The following USH2A variants were observed in gnomAD, a reference collection of about 807,000 sequenced individuals.
USH2A encodes the protein usherin, also known as Usher syndrome 2A (autosomal recessive, mild).
Under a neutral mutation model 538.9 loss-of-function variants are expected in USH2A, and 443 were observed. The observed-to-expected ratio is 0.82, with a 90% confidence interval of 0.76 to 0.89. The LOEUF (loss-of-function observed/expected upper bound fraction) is 0.89. USH2A is among the 40% of genes least tolerant of loss of function. USH2A has a pLI of 0.00. For synonymous variants in USH2A, 2,413 were observed against 2,273.5 expected (o/e 1.06, Z -1.75); for missense variants, 6,633 against 6,324.8 (o/e 1.05, Z -1.65).
intron 26 of USH2A, among the ~76,000 whole-genome samples, chr1:216,082,929 A>C (rs2031998767): frequency 6.6e-6 from 1 of 152,130 alleles, no homozygotes. Flanking sequence ...TGTTCAAACT[A>C]TAAAAATGCA....
chr1:216,202,319 C>T (rs2035018094), intron 16 of USH2A, among the ~76,000 whole-genome samples: 1 of 152,076 alleles, frequency 6.6e-6, no homozygotes, highest in African/African-American at 2.4e-5. Context: ...ATGTATTATA[C>T]AAGAGCAGTC....
At chr1:216,320,526 G>GTAATTTA (rs2037585689) in intron 9 of USH2A, among the ~76,000 whole-genome samples, 1 of 152,028 alleles carries the variant, frequency 6.6e-6, no homozygotes, top group Non-Finnish European at 1.5e-5. Flanking sequence ...TTTTAGTAGA[G>GTAATTTA]GTGGACAAAT....
intron 50 of USH2A, among the ~76,000 whole-genome samples, chr1:215,791,235 T>G (rs766133555): frequency 2.0e-5 from 3 of 152,218 alleles, no homozygotes; most frequent in African/African-American, 4.8e-5. Flanking sequence ...TATATTAGAA[T>G]TTATATCCAG....
At position 216,267,550 on chromosome 1, in the gene USH2A, G is replaced by A. The variant is rs186248394; in HGVS notation, c.1972-16452C>T. ...GAGCACAGAGACACACATTAATAAT[G>A]GAACGGATGGGAGAAGTCAAGTTCA... is the stretch of plus-strand genomic sequence containing the variant. On this transcript the variant is annotated intron_variant, in intron 11 of 71. Coordinates refer to ENST00000307340, the MANE Select transcript of USH2A (RefSeq NM_206933.4). Among the ~76,000 whole-genome samples, 209 of 152,160 alleles carry A rather than the reference G, an allele frequency of 1.4e-3. 1 individual carries two copies. Among genetic ancestry groups the A allele is most frequent in the African/African-American group, 4.8e-3 (199 of 41,530 alleles).
chr1:216,003,316 G>A (rs1423916198), intron 32 of USH2A, among the ~76,000 whole-genome samples: 1 of 152,102 alleles, frequency 6.6e-6, no homozygotes, highest in Non-Finnish European at 1.5e-5. Context: ...GGTAAGAAAG[G>A]TGTTGCATTT....
chr1:215,775,814 C>T (rs1185860300), intron 55 of USH2A, among the ~76,000 whole-genome samples: 1 of 152,188 alleles, frequency 6.6e-6, no homozygotes, highest in African/African-American at 2.4e-5. Flanking sequence ...CTATTTAGCA[C>T]ACAAAGTTTT....
At chr1:216,064,716 G>A (rs1213045733) in intron 30 of USH2A, among the ~76,000 whole-genome samples, 1 of 151,706 alleles carries the variant, frequency 6.6e-6, no homozygotes, top group East Asian at 1.9e-4. Flanking sequence ...ACTTACCATT[G>A]AGTTATAGTT....
intron 32 of USH2A, among the ~76,000 whole-genome samples, chr1:216,040,673 A>G (rs2030234973): frequency 6.6e-6 from 1 of 151,970 alleles, no homozygotes; most frequent in African/African-American, 2.4e-5. Flanking sequence ...CTCATGAAGG[A>G]TTTCTTTTGT....
chr1:216,068,971 G>A (rs897540565), intron 30 of USH2A, among the ~76,000 whole-genome samples: 3 of 152,146 alleles, frequency 2.0e-5, no homozygotes, highest in African/African-American at 7.2e-5. Flanking sequence ...TGTCAGCTGA[G>A]TGGGATGAGA....
chr1:215,723,698 C>T (rs535710552), intron 61 of USH2A, among the ~76,000 whole-genome samples: 1 of 152,008 alleles, frequency 6.6e-6, no homozygotes, highest in Non-Finnish European at 1.5e-5. Context: ...GGCCAATAAA[C>T]AAAAACTTGA....
chr1:216,175,072 T>C, intron 21 of USH2A, 180 bp downstream of exon 21: 1 of 1,439,784 alleles, frequency 6.9e-7, no homozygotes, highest in Non-Finnish European at 9.1e-7. Context: ...TACCTGACTT[T>C]TTTCCCCAGA....
intron 40 of USH2A, among the ~76,000 whole-genome samples, chr1:215,891,380 T>C (rs1665206319): frequency 6.6e-6 from 1 of 152,190 alleles, no homozygotes; most frequent in Non-Finnish European, 1.5e-5. Flanking sequence ...CTCCTTTGGC[T>C]AGGGAAGTGT....
intron 56 of USH2A, among the ~76,000 whole-genome samples, chr1:215,762,659 G>C (rs1661011847): frequency 6.6e-6 from 1 of 152,062 alleles, no homozygotes; most frequent in Non-Finnish European, 1.5e-5. Context: ...GACAATCTTT[G>C]GTGAGATATA....
intron 22 of USH2A, among the ~76,000 whole-genome samples, chr1:216,095,487 C>G (rs1255006812): frequency 6.6e-6 from 1 of 152,106 alleles, no homozygotes; most frequent in Non-Finnish European, 1.5e-5. Context: ...TCTTCCTTTC[C>G]CTCTGGCTGC....
chr1:215,905,740 T>G (rs946177768), intron 38 of USH2A, among the ~76,000 whole-genome samples: 1 of 152,054 alleles, frequency 6.6e-6, no homozygotes, highest in Admixed American at 6.6e-5. Context: ...CAACTCTTCC[T>G]GTGCTCATTC....
chr1:216,231,251 A>G (rs12138801), intron 14 of USH2A, among the ~76,000 whole-genome samples: 3 of 76,598 alleles, frequency 3.9e-5, no homozygotes, highest in African/African-American at 1.1e-4. Context: ...TATATATATT[A>G]TATATATAAT....
At chr1:216,402,924 A>G (rs1429720842) in intron 3 of USH2A, among the ~76,000 whole-genome samples, 1 of 152,156 alleles carries the variant, frequency 6.6e-6, no homozygotes, top group Non-Finnish European at 1.5e-5. Context: ...ATTAAATTAC[A>G]CATTAAATTA....
At chr1:216,360,487 CGTT>C (rs1558053882) in intron 4 of USH2A, among the ~76,000 whole-genome samples, 1 of 151,950 alleles carries the variant, frequency 6.6e-6, no homozygotes, top group Non-Finnish European at 1.5e-5. Context: ...GGATACTTGT[CGTT>C]GTACAACACC....
chr1:216,105,676 C>T (rs1571965234), intron 21 of USH2A, among the ~76,000 whole-genome samples: 1 of 151,970 alleles, frequency 6.6e-6, no homozygotes, highest in Non-Finnish European at 1.5e-5. Flanking sequence ...ATTGGAATTA[C>T]ATTAAATGAA....
Sources: allele counts gnomAD v4.1 joint callset (sites outside exome capture counted in the v4.1 genomes callset), GRCh38; gene constraint gnomAD v4.1.1; transcripts MANE v1.5; gene names NCBI Gene and HGNC (gene_info 2026-07-23, HGNC 2026-07-21).